Variants in SETBP1 observed in about 807,000 individuals in gnomAD.
SETBP1 encodes the protein SET binding protein 1, also known as SET-binding protein.
In SETBP1, 9 loss-of-function variants were observed where a neutral mutation model predicts 101.0. The observed-to-expected ratio is 0.09, with a 90% CI of 0.05 to 0.16. The LOEUF (loss-of-function observed/expected upper bound fraction) is 0.16. SETBP1 is among the 10% of genes least tolerant of loss of function. The probability of loss-of-function intolerance (pLI) is 1.00; values close to 1 mark genes in which losing one functional copy is unlikely to be tolerated. For missense variants in SETBP1, 1,858 were observed against 2,033.8 expected, an observed-to-expected ratio of 0.91 and a Z score of 1.66; for synonymous variants, 818 against 788.5, an observed-to-expected ratio of 1.04 and a Z score of -0.63.
chr18:44,968,678 T>C (rs527621699), intron 4 of SETBP1, among the ~76,000 whole-genome samples: 1 of 152,348 alleles, frequency 6.6e-6, no homozygotes, highest in African/African-American at 2.4e-5. Flanking sequence ...CTTTCAATTT[T>C]GTTGTATGTC....
At chr18:44,736,544 C>T (rs917719239) in intron 2 of SETBP1, among the ~76,000 whole-genome samples, 3 of 152,208 alleles carry the variant, frequency 2.0e-5, no homozygotes, top group Non-Finnish European at 4.4e-5. Flanking sequence ...CATCAACCCA[C>T]TGTGATATTT....
At chr18:44,869,141 A>G in intron 2 of SETBP1, 89 bp from the exon 3 acceptor site, 7 of 1,137,976 alleles carry the variant, frequency 6.2e-6, no homozygotes, top group African/African-American at 1.5e-5. Flanking sequence ...CATCCAGGCT[A>G]TGGTAAGTCC....
intron 2 of SETBP1, among the ~76,000 whole-genome samples, chr18:44,785,571 A>G (rs556110378): frequency 1.3e-5 from 2 of 152,282 alleles, no homozygotes; most frequent in Admixed American, 1.3e-4. Context: ...AGTGCTGGTG[A>G]AGAGGAGTAT....
chr18:44,853,743 C>A lies in SETBP1; in HGVS notation c.487-15487C>A, dbSNP rs137861990. On this transcript the variant is annotated intron_variant, in intron 2 of 5. Coordinates refer to ENST00000649279, the MANE Select transcript of SETBP1 (RefSeq NM_015559.3). ...GTCATGACAGGATTTGGATTAGAAT[C>A]CAGGAGTCTTAACCTCAGTCTAGTC... Among the ~76,000 whole-genome samples, 254 of 152,344 alleles carry A rather than the reference C, an allele frequency of 1.7e-3. 1 individual carries two copies. The highest frequency in any genetic ancestry group is 5.9e-3 in the African/African-American group (247 of 41,578).
chr18:44,805,514 C>T (rs2071711824), intron 2 of SETBP1, among the ~76,000 whole-genome samples: 1 of 152,000 alleles, frequency 6.6e-6, no homozygotes, highest in African/African-American at 2.4e-5. Flanking sequence ...AAATCTCAAC[C>T]CCTTCACAAA....
chr18:44,721,133 C>T (rs2069583737), intron 2 of SETBP1, among the ~76,000 whole-genome samples: 1 of 152,128 alleles, frequency 6.6e-6, no homozygotes, highest in Non-Finnish European at 1.5e-5. Flanking sequence ...CCTCTAAGGT[C>T]TCTATTCTTG....
At chr18:44,862,302 G>A (rs1048740695) in intron 2 of SETBP1, among the ~76,000 whole-genome samples, 2 of 152,310 alleles carry the variant, frequency 1.3e-5, no homozygotes, top group African/African-American at 2.4e-5. Context: ...TATGTACAAA[G>A]TTATTATTAG....
chr18:45,026,810 G>A (rs531503002), intron 4 of SETBP1, among the ~76,000 whole-genome samples: 1 of 152,258 alleles, frequency 6.6e-6, no homozygotes, highest in African/African-American at 2.4e-5. Context: ...GTGTGTGTGT[G>A]TGCATGCGCG....
rs143184868 is a variant in SETBP1 at position 44,736,170 on chromosome 18, A to C, written c.486+34338A>C. 5.9e-3 allele frequency among the ~76,000 whole-genome samples: 897 copies of C among 152,278 alleles called. 2 individuals are homozygous for C. Among genetic ancestry groups the C allele is most frequent in the African/African-American group, 0.02 (830 of 41,548 alleles). ...GAGGCCAAGGCAGGAGAATCGCTTG[A>C]ACCCAGGAGGTTGAGACCAGCCTGG... On this transcript the variant is annotated intron_variant, in intron 2 of 5. Coordinates refer to ENST00000649279, the MANE Select transcript of SETBP1 (RefSeq NM_015559.3).
chr18:44,843,357 C>A (rs2072660813), intron 2 of SETBP1, among the ~76,000 whole-genome samples: 1 of 152,240 alleles, frequency 6.6e-6, no homozygotes, highest in Non-Finnish European at 1.5e-5. Flanking sequence ...CTCATGCACA[C>A]CACACCCCTA....
intron 2 of SETBP1, among the ~76,000 whole-genome samples, chr18:44,834,843 G>C (rs554407487): frequency 1.3e-5 from 2 of 152,148 alleles, no homozygotes; most frequent in Non-Finnish European, 2.9e-5. Context: ...GGACAAGAAA[G>C]GATATGAGTT....
chr18:44,756,078 G>A (rs1010033533), intron 2 of SETBP1, among the ~76,000 whole-genome samples: 5 of 152,008 alleles, frequency 3.3e-5, no homozygotes, highest in Non-Finnish European at 5.9e-5. Context: ...TTAGCTGGCT[G>A]TGGTGGCACA....
intron 4 of SETBP1, among the ~76,000 whole-genome samples, chr18:45,037,116 G>A (rs1001344939): frequency 2.0e-5 from 3 of 152,136 alleles, no homozygotes; most frequent in Non-Finnish European, 4.4e-5. Flanking sequence ...AGGTTAGTTG[G>A]GATAGAAAAA....
At chr18:45,045,036 C>A (rs1291681318) in intron 5 of SETBP1, among the ~76,000 whole-genome samples, 2 of 152,112 alleles carry the variant, frequency 1.3e-5, no homozygotes, top group East Asian at 3.9e-4. Context: ...GATCCCAGCA[C>A]TTTGGGAGGC....
intron 4 of SETBP1, among the ~76,000 whole-genome samples, chr18:44,957,046 C>A (rs2071500287): frequency 6.6e-6 from 1 of 152,108 alleles, no homozygotes; most frequent in Non-Finnish European, 1.5e-5. Context: ...TGCCTGGGAC[C>A]AGAAAATGGA....
At chr18:44,809,707 G>A (rs909286985) in intron 2 of SETBP1, among the ~76,000 whole-genome samples, 1 of 152,172 alleles carries the variant, frequency 6.6e-6, no homozygotes, top group Non-Finnish European at 1.5e-5. Context: ...TGGGGAAGGA[G>A]GTGAGGGGTG....
At chr18:44,739,714 A>G (rs1011371773) in intron 2 of SETBP1, among the ~76,000 whole-genome samples, 2 of 152,312 alleles carry the variant, frequency 1.3e-5, no homozygotes, top group Admixed American at 6.5e-5. Context: ...CAGATACAGA[A>G]GAGTTTGGCA....
chr18:44,915,434 A>C (rs2070404210), intron 3 of SETBP1, among the ~76,000 whole-genome samples: 1 of 152,248 alleles, frequency 6.6e-6, no homozygotes. Context: ...CAATGTGTGC[A>C]ACCCTATGCT....
At chr18:44,822,489 G>A (rs915617885) in intron 2 of SETBP1, among the ~76,000 whole-genome samples, 1 of 152,178 alleles carries the variant, frequency 6.6e-6, no homozygotes, top group Admixed American at 6.5e-5. Context: ...GGAGTAAAGG[G>A]TGTTTAAATT....
Sources: allele counts gnomAD v4.1 joint callset (sites outside exome capture counted in the v4.1 genomes callset), GRCh38; gene constraint gnomAD v4.1.1; transcripts MANE v1.5; gene names NCBI Gene and HGNC (gene_info 2026-07-23, HGNC 2026-07-21).